GRAP2: variants seen among roughly 807,000 people sequenced by gnomAD.
The protein encoded by GRAP2 is GRB2 related adaptor protein 2.
A neutral mutation model predicts 43.5 loss-of-function variants in GRAP2; 31 were observed. That is an observed-to-expected ratio of 0.71 (90% CI 0.54 to 0.96). The LOEUF is 0.96. GRAP2 is among the 40% of genes least tolerant of loss of function. The probability of loss-of-function intolerance (pLI) is 0.00; values close to 1 mark genes in which losing one functional copy is unlikely to be tolerated. For synonymous variants in GRAP2, 156 were observed against 164.8 expected, an observed-to-expected ratio of 0.95 and a Z score of 0.41; for missense variants, 371 against 424.4, an observed-to-expected ratio of 0.87 and a Z score of 1.11.
intron 2 of GRAP2, among the ~76,000 whole-genome samples, chr22:39,952,841 T>C (rs934344980): frequency 2.0e-5 from 3 of 152,178 alleles, no homozygotes; most frequent in Admixed American, 6.5e-5. Flanking sequence ...AGTCTACACT[T>C]TCTGAAGGAC....
At chr22:39,969,328 A>T (rs1191880970) in intron 6 of GRAP2, 83 bp from the exon 7 acceptor site, 1 of 1,451,202 alleles carries the variant, frequency 6.9e-7, no homozygotes, top group African/African-American at 1.4e-5. Flanking sequence ...GGCTCTGTGG[A>T]TGGCATCTGA....
chr22:39,931,845 C>G (rs888040426), intron 1 of GRAP2, among the ~76,000 whole-genome samples: 1 of 152,114 alleles, frequency 6.6e-6, no homozygotes, highest in Non-Finnish European at 1.5e-5. Context: ...TATCAAAACA[C>G]ACAGTATTCC....
intron 2 of GRAP2, among the ~76,000 whole-genome samples, chr22:39,949,229 A>G (rs560287213): frequency 2.6e-5 from 4 of 152,332 alleles, no homozygotes; most frequent in African/African-American, 9.6e-5. Context: ...GTCACAAGCT[A>G]GAAGCCCCAA....
At chr22:39,944,363 C>T (rs1473809337) in intron 1 of GRAP2, among the ~76,000 whole-genome samples, 1 of 152,168 alleles carries the variant, frequency 6.6e-6, no homozygotes, top group Non-Finnish European at 1.5e-5. Context: ...TTACTATTCT[C>T]TACTACTAGG....
chr22:39,906,889 A>G (rs894857378), intron 1 of GRAP2, among the ~76,000 whole-genome samples: 7 of 152,348 alleles, frequency 4.6e-5, no homozygotes, highest in African/African-American at 1.7e-4. Flanking sequence ...TTTCTAAATA[A>G]CTAGGAAATA....
intron 7 of GRAP2, among the ~76,000 whole-genome samples, chr22:39,970,118 C>CT (rs1210755837): frequency 3.3e-5 from 5 of 151,884 alleles, no homozygotes; most frequent in African/African-American, 7.3e-5. Flanking sequence ...ATCATTGCAT[C>CT]TTTTTTTTGT....
rs533043978 is a variant in GRAP2 at position 39,951,771 on chromosome 22, C to A, written c.79-4048C>A. Among the ~76,000 whole-genome samples the A allele has an allele frequency of 3.3e-5, 5 of 152,182 alleles. No individual in the cohort carries two copies. The South Asian group carries it at 1.0e-3, about 32-fold the overall frequency. On this transcript the variant is annotated intron_variant, in intron 2 of 7. Coordinates refer to ENST00000344138, the MANE Select transcript of GRAP2 (RefSeq NM_004810.4). ...CGGCAGGAGGAAACCATCTCCCCTCCCCTCAAATACTTTTCTTTGCAGAAA... is the reference window on the plus strand; with the variant it reads ...CGGCAGGAGGAAACCATCTCCCCTCACCTCAAATACTTTTCTTTGCAGAAA...
chr22:39,933,773 G>T (rs1311242952), intron 1 of GRAP2, among the ~76,000 whole-genome samples: 1 of 151,386 alleles, frequency 6.6e-6, no homozygotes, highest in African/African-American at 2.4e-5. Context: ...CCTGGGAGGC[G>T]AATGTTTCAG....
chr22:39,968,466 C>T lies in GRAP2; in HGVS notation c.690+194C>T, dbSNP rs1601745944. On this transcript the variant is annotated intron_variant, in intron 6 of 7. Coordinates refer to ENST00000344138, the MANE Select transcript of GRAP2 (RefSeq NM_004810.4). Reference sequence around the variant, plus strand: ...TAAATGGCTCCCACCTGAACACACACACACACACACACACTGTCTCACACA... The same window carrying T: ...TAAATGGCTCCCACCTGAACACACATACACACACACACACTGTCTCACACA... 2.1e-5 allele frequency: 12 copies of T among 583,390 alleles called. No individual in the cohort carries two copies. The East Asian group carries it at 3.3e-4, about 16-fold the overall frequency. The allele number at this position is 583,390 out of a possible 1,614,324, so 36.1% of individuals were successfully genotyped here.
rs747468628 is a variant in GRAP2, at chr22:39,971,082, T to A, written c.991T>A (p.Ter331LysextTer26). Residue 331 changes from the stop codon to lysine (K), a stop_lost, in exon 8 of 8, where the codon TAA (stop) becomes AAA (lysine). Coordinates refer to ENST00000344138, the MANE Select transcript of GRAP2 (RefSeq NM_004810.4). The stretch of plus-strand genomic sequence containing the variant: ...CAACTACGTGGCACCCATGACCCGA[T>A]AAACTCTTCAGGGGACAGAAGCTTT... ...PANYVAPMTR[*>K] The A allele has an allele frequency of 6.2e-7, 1 of 1,609,746 alleles. No homozygotes were observed. The highest frequency in any genetic ancestry group is 8.5e-7 in the Non-Finnish European group (1 of 1,178,190).
intron 1 of GRAP2, among the ~76,000 whole-genome samples, chr22:39,938,652 A>G (rs1414745341): frequency 6.6e-6 from 1 of 152,222 alleles, no homozygotes; most frequent in Admixed American, 6.5e-5. Flanking sequence ...TGGGGAAGAG[A>G]GAACAGCACA....
At chr22:39,953,497 C>T (rs1232109775) in intron 2 of GRAP2, among the ~76,000 whole-genome samples, 1 of 152,106 alleles carries the variant, frequency 6.6e-6, no homozygotes, top group East Asian at 1.9e-4. Context: ...TAGCCTAGGC[C>T]CTATCATCTC....
intron 1 of GRAP2, among the ~76,000 whole-genome samples, chr22:39,945,378 C>A (rs2066911395): frequency 6.6e-6 from 1 of 152,100 alleles, no homozygotes; most frequent in Admixed American, 6.5e-5. Context: ...GAAATGAGCC[C>A]CTTGCTATCA....
chr22:39,907,281 C>T (rs887560791), intron 1 of GRAP2, among the ~76,000 whole-genome samples: 8 of 152,172 alleles, frequency 5.3e-5, no homozygotes, highest in African/African-American at 1.7e-4. Context: ...TATGAAAACT[C>T]TCCCCAATGG....
At chr22:39,907,663 GC>G (rs2066532570) in intron 1 of GRAP2, among the ~76,000 whole-genome samples, 1 of 152,020 alleles carries the variant, frequency 6.6e-6, no homozygotes, top group Non-Finnish European at 1.5e-5. Context: ...GATCCCTTGA[GC>G]CCAAGAGATC....
chr22:39,963,584 C>G (rs921011636), intron 4 of GRAP2, among the ~76,000 whole-genome samples: 1 of 152,154 alleles, frequency 6.6e-6, no homozygotes, highest in African/African-American at 2.4e-5. Context: ...TGTTGATTAC[C>G]ACCCGAAATC....
intron 1 of GRAP2, among the ~76,000 whole-genome samples, chr22:39,924,075 T>TCTA: frequency 6.6e-6 from 1 of 152,344 alleles, no homozygotes; most frequent in South Asian, 2.1e-4. Context: ...TTAAACCATC[T>TCTA]CTACTTTCAG....
intron 1 of GRAP2, among the ~76,000 whole-genome samples, chr22:39,926,273 T>G (rs2145596601): frequency 6.6e-6 from 1 of 152,202 alleles, no homozygotes; most frequent in East Asian, 1.9e-4. Flanking sequence ...GTAGTTACAC[T>G]TAAACATCAA....
rs180685769 is a variant in GRAP2 at position 39,929,791 on chromosome 22, A to G, written c.-14-17302A>G. On this transcript the variant is annotated intron_variant, in intron 1 of 7. Coordinates refer to ENST00000344138, the MANE Select transcript of GRAP2 (RefSeq NM_004810.4). ...ATTGAGTTCTATACCTGCATAGCCA[A>G]TCCTTGACTGGGAGTCTCTACATAG... is the stretch of plus-strand genomic sequence containing the variant. Among the ~76,000 whole-genome samples, 5 of 152,314 alleles carry G rather than the reference A, an allele frequency of 3.3e-5. No homozygotes were observed. In the East Asian group the frequency reaches 5.8e-4, roughly 18 times the overall value.
Sources: gnomAD v4.1 joint callset for allele counts (sites outside exome capture counted in the v4.1 genomes callset) on GRCh38, gnomAD v4.1.1 for gene constraint, MANE v1.5 for transcripts, NCBI Gene and HGNC (gene_info 2026-07-23, HGNC 2026-07-21) for gene names.